The following SLC35F2 variants were observed in gnomAD, a reference collection of about 807,000 sequenced individuals.
SLC35F2 encodes the protein queuine/queuosine transporter SLC35F2.
SLC35F2 carries 25 observed loss-of-function variants against 38.1 expected under a neutral mutation model. The ratio of observed to expected loss-of-function variants is 0.66; its 90% CI spans 0.48 to 0.92. SLC35F2 has a LOEUF of 0.92. Among genes scored for constraint, SLC35F2 ranks in the 40% least tolerant of loss-of-function variants. SLC35F2 has a pLI of 0.00. For missense variants in SLC35F2, 409 were observed against 452.9 expected (o/e 0.90, Z 0.88); for synonymous variants, 173 against 181.7 (o/e 0.95, Z 0.38).
At chr11:107,829,216 C>T (rs930905526) in intron 1 of SLC35F2, among the ~76,000 whole-genome samples, 3 of 151,452 alleles carry the variant, frequency 2.0e-5, no homozygotes, top group Non-Finnish European at 2.9e-5. Flanking sequence ...GTCAGGAGTT[C>T]GAGACCAGCC....
intron 7 of SLC35F2, among the ~76,000 whole-genome samples, chr11:107,799,606 G>A (rs1591184321): frequency 6.6e-6 from 1 of 152,160 alleles, no homozygotes; most frequent in East Asian, 1.9e-4. Flanking sequence ...TTGTTTGTTT[G>A]TTTAGACGGA....
intron 1 of SLC35F2, among the ~76,000 whole-genome samples, chr11:107,857,884 T>C (rs1860319045): frequency 6.6e-6 from 1 of 152,306 alleles, no homozygotes; most frequent in East Asian, 1.9e-4. Flanking sequence ...GATTAGCTGA[T>C]ATTATCCATA....
intron 1 of SLC35F2, among the ~76,000 whole-genome samples, chr11:107,834,020 G>A (rs1236218192): frequency 6.6e-6 from 1 of 152,200 alleles, no homozygotes; most frequent in African/African-American, 2.4e-5. Context: ...AAGGCTTTAT[G>A]TTGTTATCTC....
intron 1 of SLC35F2, among the ~76,000 whole-genome samples, chr11:107,825,604 C>T (rs1246950875): frequency 3.3e-5 from 5 of 151,868 alleles, no homozygotes; most frequent in African/African-American, 4.8e-5. Flanking sequence ...CTCCTGACCT[C>T]GTGATCCGCC....
chr11:107,821,882 T>C (rs1460834061), intron 1 of SLC35F2, among the ~76,000 whole-genome samples: 1 of 152,154 alleles, frequency 6.6e-6, no homozygotes, highest in Non-Finnish European at 1.5e-5. Flanking sequence ...AGGTAGAAGA[T>C]GGGCTGAGTA....
intron 2 of SLC35F2, 76 bp from the exon 3 acceptor site, chr11:107,811,870 T>C (rs1199753340): frequency 7.6e-7 from 1 of 1,323,618 alleles, no homozygotes; most frequent in Non-Finnish European, 1.0e-6. Flanking sequence ...GATAAAAGAG[T>C]AGAAGCAAGA....
At chr11:107,809,339 A>C (rs201037188) in intron 3 of SLC35F2, among the ~76,000 whole-genome samples, 1 of 111,048 alleles carries the variant, frequency 9.0e-6, no homozygotes, top group African/African-American at 4.9e-5. Flanking sequence ...CAAAAAAAAA[A>C]AAAAAAAAAA....
chr11:107,818,136 A>AAAGAAAGAAAGAAAGAAAG (rs781015500), intron 1 of SLC35F2, among the ~76,000 whole-genome samples: 2 of 141,336 alleles, frequency 1.4e-5, no homozygotes, highest in Non-Finnish European at 3.2e-5. Flanking sequence ...AAGAAAGAAA[A>AAAGAAAGAAAGAAAGAAAG]AGAAACAATT....
At chr11:107,819,147 A>G (rs993044481) in intron 1 of SLC35F2, among the ~76,000 whole-genome samples, 1 of 152,224 alleles carries the variant, frequency 6.6e-6, no homozygotes, top group Non-Finnish European at 1.5e-5. Flanking sequence ...TTCTATTTCT[A>G]TAGTAAAGTT....
intron 6 of SLC35F2, among the ~76,000 whole-genome samples, chr11:107,804,401 C>T (rs1416348563): frequency 6.6e-6 from 1 of 152,118 alleles, no homozygotes; most frequent in Non-Finnish European, 1.5e-5. Context: ...AGCAGACAAC[C>T]TTCGCAAGAA....
chr11:107,855,489 C>T (rs1297888844), intron 1 of SLC35F2, among the ~76,000 whole-genome samples: 7 of 151,838 alleles, frequency 4.6e-5, no homozygotes, highest in East Asian at 1.9e-4. Context: ...CCCATCTCTA[C>T]AAAAAATACA....
At chr11:107,824,222 A>T (rs1859720791) in intron 1 of SLC35F2, among the ~76,000 whole-genome samples, 1 of 152,232 alleles carries the variant, frequency 6.6e-6, no homozygotes, top group Admixed American at 6.5e-5. Flanking sequence ...AGTAAAAGAA[A>T]GGAAATCAGT....
At chr11:107,826,308 C>A (rs1342321737) in intron 1 of SLC35F2, among the ~76,000 whole-genome samples, 1 of 145,580 alleles carries the variant, frequency 6.9e-6, no homozygotes, top group Non-Finnish European at 1.5e-5. Context: ...TGCAGTTTTG[C>A]TCTTGTTGTC....
intron 7 of SLC35F2, among the ~76,000 whole-genome samples, chr11:107,795,953 G>A (rs148370925): frequency 0.021 from 3,175 of 152,256 alleles, 47 homozygotes; most frequent in Middle Eastern, 0.034. Flanking sequence ...GGCCAAGATG[G>A]TGAAACCTCA....
In SLC35F2 at chr11:107,803,165, A is replaced by G. The variant is rs1418111066; in HGVS notation, c.785-10T>C. 6 of 1,592,234 alleles carry G rather than the reference A, an allele frequency of 3.8e-6. 1 individual carries two copies. Among genetic ancestry groups the G allele is most frequent in the Admixed American group, 1.9e-5 (1 of 53,934 alleles). The stretch of plus-strand genomic sequence containing the variant: ...GCCACGAACAGCAGGGCTGTGGAAA[A>G]AAACATGGAATATCTAATATTAGGG... On this transcript the variant is annotated splice_polypyrimidine_tract_variant and intron_variant, in intron 6 of 7. Coordinates refer to ENST00000525815, the MANE Select transcript of SLC35F2 (RefSeq NM_017515.5).
intron 1 of SLC35F2, among the ~76,000 whole-genome samples, chr11:107,850,089 T>A (rs1010753474): frequency 3.3e-5 from 5 of 152,194 alleles, no homozygotes; most frequent in Non-Finnish European, 7.3e-5. Context: ...TAGGAATAGC[T>A]TAATGGACAG....
intron 2 of SLC35F2, among the ~76,000 whole-genome samples, chr11:107,812,570 A>AT (rs1489566969): frequency 2.0e-5 from 3 of 152,182 alleles, no homozygotes; most frequent in Non-Finnish European, 4.4e-5. Context: ...AAGAGCTAAT[A>AT]CATGCTGGAC....
intron 4 of SLC35F2, 139 bp from the exon 5 acceptor site, chr11:107,805,654 G>C (rs1859379108): frequency 6.9e-7 from 1 of 1,448,760 alleles, no homozygotes; most frequent in Non-Finnish European, 9.0e-7. Flanking sequence ...GTTTATGTGT[G>C]AGAGTGTGTG....
chr11:107,842,213 G>A (rs528544145), intron 1 of SLC35F2, among the ~76,000 whole-genome samples: 20 of 114,320 alleles, frequency 1.7e-4, no homozygotes, highest in Admixed American at 3.9e-4. Context: ...GCAAGATTGC[G>A]CCACTACACT....
Sources: gnomAD v4.1 joint callset for allele counts (sites outside exome capture counted in the v4.1 genomes callset) on GRCh38, gnomAD v4.1.1 for gene constraint, MANE v1.5 for transcripts, NCBI Gene and HGNC (gene_info 2026-07-23, HGNC 2026-07-21) for gene names.